The following NKAIN3 variants were observed in gnomAD, a reference collection of about 807,000 sequenced individuals.
The protein encoded by NKAIN3 is sodium/potassium-transporting ATPase subunit beta-1-interacting protein 3.
NKAIN3 carries 25 observed loss-of-function variants against 30.2 expected under a neutral mutation model. The ratio of observed to expected loss-of-function variants is 0.83; its 90% confidence interval spans 0.60 to 1.16. The LOEUF (loss-of-function observed/expected upper bound fraction) is 1.16, where lower values mean the gene tolerates loss of function less well. NKAIN3 is among the 50% of genes most tolerant of loss of function. The pLI is 0.00. For missense variants in NKAIN3, 225 were observed against 254.1 expected (o/e 0.89, Z 0.78); for synonymous variants, 91 against 89.6 (o/e 1.02, Z -0.09).
chr8:62,395,258 C>T (rs376798338), intron 1 of NKAIN3, among the ~76,000 whole-genome samples: 172 of 147,908 alleles, frequency 1.2e-3, no homozygotes, highest in African/African-American at 4.2e-3. Context: ...CAGAGGCGCT[C>T]CTCACTTCCC....
intron 4 of NKAIN3, among the ~76,000 whole-genome samples, chr8:62,851,318 C>G (rs1048298345): frequency 3.3e-5 from 5 of 152,152 alleles, no homozygotes; most frequent in Non-Finnish European, 7.3e-5. Flanking sequence ...TATCCTGAGA[C>G]TTTGCTGAAG....
chr8:62,702,579 A>C (rs1204994190), intron 3 of NKAIN3, among the ~76,000 whole-genome samples: 1 of 152,232 alleles, frequency 6.6e-6, no homozygotes, highest in African/African-American at 2.4e-5. Flanking sequence ...CAATGACTAA[A>C]GTAAACATCG....
intron 1 of NKAIN3, among the ~76,000 whole-genome samples, chr8:62,275,659 A>G (rs1812926578): frequency 6.6e-6 from 1 of 152,254 alleles, no homozygotes; most frequent in African/African-American, 2.4e-5. Context: ...GAAGAATCCT[A>G]TGAAATTTAC....
intron 4 of NKAIN3, among the ~76,000 whole-genome samples, chr8:62,897,547 G>T (rs1244077017): frequency 3.3e-5 from 5 of 152,070 alleles, no homozygotes; most frequent in Non-Finnish European, 7.4e-5. Flanking sequence ...CTTCACTTTT[G>T]GACATAGTTA....
intron 1 of NKAIN3, among the ~76,000 whole-genome samples, chr8:62,565,149 A>T (rs963275314): frequency 2.3e-4 from 35 of 152,154 alleles, no homozygotes; most frequent in Admixed American, 2.0e-4. Flanking sequence ...ATATCAATAC[A>T]TCTTGGATAT....
At chr8:62,837,684 A>T (rs908950070) in intron 4 of NKAIN3, among the ~76,000 whole-genome samples, 3 of 152,138 alleles carry the variant, frequency 2.0e-5, no homozygotes, top group African/African-American at 7.2e-5. Flanking sequence ...ACAAAATGAG[A>T]TGCAATGTCA....
intron 3 of NKAIN3, among the ~76,000 whole-genome samples, chr8:62,606,257 C>T (rs1811127417): frequency 6.6e-6 from 1 of 152,104 alleles, no homozygotes; most frequent in Non-Finnish European, 1.5e-5. Context: ...AGGGAGGTAT[C>T]GAGTTACAGA....
chr8:62,536,223 C>A (rs1352508399), intron 1 of NKAIN3, among the ~76,000 whole-genome samples: 1 of 152,066 alleles, frequency 6.6e-6, no homozygotes, highest in African/African-American at 2.4e-5. Flanking sequence ...GATTAAAATT[C>A]ATTTTAAAAT....
intron 1 of NKAIN3, among the ~76,000 whole-genome samples, chr8:62,297,043 C>A (rs966611981): frequency 2.4e-4 from 37 of 152,122 alleles, no homozygotes; most frequent in Admixed American, 1.0e-3. Flanking sequence ...CTTTTCTCTG[C>A]CACCATGTTT....
chr8:62,474,670 AAT>A (rs1381305392), intron 1 of NKAIN3, among the ~76,000 whole-genome samples: 1 of 152,208 alleles, frequency 6.6e-6, no homozygotes, highest in African/African-American at 2.4e-5. Flanking sequence ...ATACTCTAAA[AAT>A]ATGTTTCAAA....
chr8:62,635,330 T>C lies in NKAIN3; in HGVS notation c.273+45536T>C, dbSNP rs1484696983. ...TTGTAGTATGAAACATATATACATATGAAGAGATTCTGATGATAAAAGGCC... is the reference window on the plus strand; with the variant it reads ...TTGTAGTATGAAACATATATACATACGAAGAGATTCTGATGATAAAAGGCC... On this transcript the variant is annotated intron_variant, in intron 3 of 6. Transcript: ENST00000623646. Among the ~76,000 whole-genome samples, 3 of 152,162 alleles carry C rather than the reference T, an allele frequency of 2.0e-5. No individual in the cohort carries two copies. The East Asian group carries it at 5.8e-4, about 29-fold the overall frequency.
chr8:62,648,459 C>T (rs542184052), intron 3 of NKAIN3, among the ~76,000 whole-genome samples: 23 of 152,208 alleles, frequency 1.5e-4, no homozygotes, highest in East Asian at 1.4e-3. Context: ...CAAAGCTACA[C>T]GCTAACCCCT....
chr8:62,424,500 C>T (rs1804741232), intron 1 of NKAIN3, among the ~76,000 whole-genome samples: 1 of 151,816 alleles, frequency 6.6e-6, no homozygotes, highest in South Asian at 2.1e-4. Flanking sequence ...CTTGAATAGA[C>T]ATTTTTCCAA....
intron 5 of NKAIN3, among the ~76,000 whole-genome samples, chr8:62,948,777 AAAG>A (rs369909706): frequency 7.2e-4 from 110 of 152,326 alleles, no homozygotes; most frequent in Non-Finnish European, 1.3e-3. Context: ...CTAGATGATA[AAAG>A]AAGATCTTGC....
At chr8:62,955,408 A>G (rs1463600390) in intron 6 of NKAIN3, among the ~76,000 whole-genome samples, 1 of 152,212 alleles carries the variant, frequency 6.6e-6, no homozygotes. Context: ...TTGTGACAAT[A>G]ATCAAGATGA....
chr8:62,911,503 C>T (rs955778328), intron 4 of NKAIN3, among the ~76,000 whole-genome samples: 27 of 152,214 alleles, frequency 1.8e-4, no homozygotes, highest in African/African-American at 6.5e-4. Flanking sequence ...GGAAATTTTC[C>T]ATTGCAGCCT....
intron 1 of NKAIN3, among the ~76,000 whole-genome samples, chr8:62,294,259 C>T (rs909936197): frequency 6.6e-6 from 1 of 152,144 alleles, no homozygotes; most frequent in African/African-American, 2.4e-5. Context: ...GAACCCAGTA[C>T]CTCAGTTGGA....
intron 1 of NKAIN3, among the ~76,000 whole-genome samples, chr8:62,453,192 A>G (rs913140454): frequency 7.2e-5 from 11 of 152,294 alleles, no homozygotes; most frequent in African/African-American, 2.4e-4. Flanking sequence ...AAAAAATTCA[A>G]TATCATACTT....
intron 1 of NKAIN3, among the ~76,000 whole-genome samples, chr8:62,341,572 AT>A (rs1815746689): frequency 6.6e-6 from 1 of 152,166 alleles, no homozygotes; most frequent in African/African-American, 2.4e-5. Context: ...CTCCAAAGAA[AT>A]TACCTTTGTT....
Sources: allele counts gnomAD v4.1 joint callset (sites outside exome capture counted in the v4.1 genomes callset), GRCh38; gene constraint gnomAD v4.1.1; transcripts MANE v1.5; gene names NCBI Gene and HGNC (gene_info 2026-07-23, HGNC 2026-07-21).